Variants in ITGA9 observed in about 807,000 individuals in gnomAD.
ITGA9 encodes the protein integrin alpha-9.
ITGA9 carries 56 observed loss-of-function variants against 127.8 expected under a neutral mutation model. That is an observed-to-expected ratio of 0.44 (90% CI 0.35 to 0.55). The LOEUF (loss-of-function observed/expected upper bound fraction) is 0.55. ITGA9 is among the 20% of genes least tolerant of loss of function. The probability of loss-of-function intolerance (pLI) is 0.00; values close to 1 mark genes in which losing one functional copy is unlikely to be tolerated. For synonymous variants in ITGA9, 508 were observed against 514.5 expected (o/e 0.99, Z 0.17); for missense variants, 1,196 against 1,347.1 (o/e 0.89, Z 1.76).
At chr3:37,590,590 A>C (rs1341829704) in intron 15 of ITGA9, among the ~76,000 whole-genome samples, 2 of 151,890 alleles carry the variant, frequency 1.3e-5, no homozygotes, top group Non-Finnish European at 2.9e-5. Context: ...TGTAGACCTC[A>C]GTCCAGACAC....
intron 4 of ITGA9, among the ~76,000 whole-genome samples, chr3:37,484,259 T>C (rs1471882249): frequency 1.3e-5 from 2 of 152,172 alleles, no homozygotes; most frequent in African/African-American, 2.4e-5. Context: ...GGGGACTAAA[T>C]TGAAAGTTTC....
chr3:37,456,348 C>T (rs893909053), intron 1 of ITGA9, among the ~76,000 whole-genome samples: 1 of 152,198 alleles, frequency 6.6e-6, no homozygotes, highest in Admixed American at 6.5e-5. Flanking sequence ...AGTCTTCTGG[C>T]GTCCTTTGAA....
intron 15 of ITGA9, among the ~76,000 whole-genome samples, chr3:37,604,054 C>A (rs77103563): frequency 6.6e-6 from 1 of 152,220 alleles, no homozygotes; most frequent in Non-Finnish European, 1.5e-5. Context: ...ACAGAGGATA[C>A]GGATGGGCAA....
intron 26 of ITGA9, among the ~76,000 whole-genome samples, chr3:37,796,055 G>T (rs1038321188): frequency 6.6e-6 from 1 of 152,054 alleles, no homozygotes; most frequent in Non-Finnish European, 1.5e-5. Flanking sequence ...ACATCTTCCC[G>T]CTGCTTCTTG....
intron 23 of ITGA9, among the ~76,000 whole-genome samples, chr3:37,775,861 A>G (rs895677097): frequency 1.3e-5 from 2 of 152,342 alleles, no homozygotes; most frequent in Non-Finnish European, 2.9e-5. Context: ...AAATCATTCT[A>G]CCGTAAAGAC....
chr3:37,743,616 A>G lies in ITGA9; in HGVS notation c.2325-310A>G, dbSNP rs184776406. On this transcript the variant is annotated intron_variant, in intron 21 of 27. Transcript: ENST00000264741. Reference sequence around the variant, plus strand: ...ACCCATAAAACATTTTTCGAATGACAAAACAGAAAATGTATACTTTTATAA... The same window carrying G: ...ACCCATAAAACATTTTTCGAATGACGAAACAGAAAATGTATACTTTTATAA... Among the ~76,000 whole-genome samples, 458 of 152,356 alleles carry G rather than the reference A, an allele frequency of 3.0e-3. 2 individuals are homozygous for G. Among genetic ancestry groups the G allele is most frequent in the Non-Finnish European group, 4.3e-3 (290 of 68,038 alleles).
intron 16 of ITGA9, among the ~76,000 whole-genome samples, chr3:37,648,053 G>T (rs777467773): frequency 2.0e-5 from 3 of 152,060 alleles, no homozygotes; most frequent in Non-Finnish European, 4.4e-5. Context: ...AAGAGGAATT[G>T]CAGGGTCATA....
In ITGA9 at chr3:37,512,120, C is replaced by CCTTCTTTTCT. The variant is rs1698929069; in HGVS notation, c.898-1643_898-1642insCTTCTTTTCT. Among the ~76,000 whole-genome samples, 63 of 39,468 alleles carry CCTTCTTTTCT rather than the reference C, an allele frequency of 1.6e-3. 4 individuals carry two copies. Among genetic ancestry groups the CCTTCTTTTCT allele is most frequent in the Non-Finnish European group, 2.6e-3 (56 of 21,192 alleles). 25.9% of individuals were successfully genotyped at this position (39,468 alleles called of 152,430 possible). On this transcript the variant is annotated intron_variant, in intron 8 of 27. Coordinates refer to ENST00000264741, the MANE Select transcript of ITGA9 (RefSeq NM_002207.3). ...TCCTTCCTTCCTTCCTTCCTTCCTTCTTTCTTTTCTTTTCTTTTCTTTTCT... is the reference window on the plus strand; with the variant it reads ...TCCTTCCTTCCTTCCTTCCTTCCTTCCTTCTTTTCTTTTCTTTTCTTTTCTTTTCTTTTCT...
At chr3:37,803,241 A>G (rs1311545961) in intron 26 of ITGA9, among the ~76,000 whole-genome samples, 1 of 152,222 alleles carries the variant, frequency 6.6e-6, no homozygotes, top group African/African-American at 2.4e-5. Context: ...TAAGTTTTTC[A>G]GTACACTTTT....
intron 7 of ITGA9, among the ~76,000 whole-genome samples, 185 bp from the exon 8 acceptor site, chr3:37,508,374 A>T (rs1217018476): frequency 6.6e-6 from 1 of 152,194 alleles, no homozygotes; most frequent in Non-Finnish European, 1.5e-5. Context: ...TCAGGATTGA[A>T]GGACCCTTTT....
At chr3:37,706,588 G>A (rs550338618) in intron 18 of ITGA9, among the ~76,000 whole-genome samples, 83 of 152,248 alleles carry the variant, frequency 5.5e-4, no homozygotes, top group African/African-American at 1.8e-3. Context: ...GAGCACTCAC[G>A]CCCCAGCTCC....
chr3:37,782,089 C>T (rs1696980990), intron 25 of ITGA9, among the ~76,000 whole-genome samples: 1 of 152,240 alleles, frequency 6.6e-6, no homozygotes, highest in African/African-American at 2.4e-5. Flanking sequence ...GCTGGAAAAC[C>T]CCACGTCTGG....
chr3:37,530,380 C>T (rs1579090106), intron 13 of ITGA9, among the ~76,000 whole-genome samples: 4 of 152,302 alleles, frequency 2.6e-5, no homozygotes, highest in East Asian at 1.9e-4. Context: ...ATATATATTG[C>T]CCATCGTTCC....
chr3:37,750,370 T>C (rs1696567627), intron 22 of ITGA9, 92 bp from the exon 23 acceptor site: 1 of 838,602 alleles, frequency 1.2e-6, no homozygotes, highest in Non-Finnish European at 2.1e-6. Flanking sequence ...CTGTATGTGA[T>C]TTCAAAGAAT....
chr3:37,513,789 G>A lies in ITGA9; in HGVS notation c.924G>A (p.Leu308=), dbSNP rs1698957444. The A allele has an allele frequency of 6.2e-7, 1 of 1,613,984 alleles. No homozygotes were observed. The highest frequency in any genetic ancestry group is 1.7e-5 in the Admixed American group (1 of 60,012). Residue 308 remains leucine (L), a synonymous_variant, in exon 9 of 28, where the codon TTG becomes TTA. Coordinates refer to ENST00000264741, the MANE Select transcript of ITGA9 (RefSeq NM_002207.3). ...KKMGSYFGSS[L]CAVDLNGDGL... ...TGGGCTCTTACTTCGGCTCCTCCTT[G>A]TGCGCAGTTGACCTGAATGGGGACG... is the stretch of plus-strand genomic sequence containing the variant.
chr3:37,776,908 C>T (rs1696915073), intron 23 of ITGA9, among the ~76,000 whole-genome samples: 1 of 152,128 alleles, frequency 6.6e-6, no homozygotes, highest in Non-Finnish European at 1.5e-5. Context: ...TTTACAGCAC[C>T]GTGGGGGCTT....
chr3:37,602,943 A>G (rs1013085295), intron 15 of ITGA9, among the ~76,000 whole-genome samples: 1 of 152,176 alleles, frequency 6.6e-6, no homozygotes. Context: ...CTACCCTCTA[A>G]TGTTCTGTGA....
chr3:37,490,703 C>T (rs1233963063), intron 4 of ITGA9, among the ~76,000 whole-genome samples: 1 of 151,180 alleles, frequency 6.6e-6, no homozygotes, highest in African/African-American at 2.4e-5. Flanking sequence ...GGATTGTGAA[C>T]ATTTGGAAAC....
At chr3:37,675,946 G>A (rs930263100) in intron 17 of ITGA9, among the ~76,000 whole-genome samples, 10 of 151,936 alleles carry the variant, frequency 6.6e-5, no homozygotes, top group African/African-American at 2.2e-4. Context: ...GTTTCACCAT[G>A]TTGGCCAGGA....
Sources: allele counts gnomAD v4.1 joint callset (sites outside exome capture counted in the v4.1 genomes callset), GRCh38; gene constraint gnomAD v4.1.1; transcripts MANE v1.5; gene names NCBI Gene and HGNC (gene_info 2026-07-23, HGNC 2026-07-21).